Variants in SYDE2 observed in about 807,000 individuals in gnomAD.
SYDE2 encodes rho GTPase-activating protein SYDE2.
In SYDE2, 76 loss-of-function variants were observed where a neutral mutation model predicts 91.5. The ratio of observed to expected loss-of-function variants is 0.83; its 90% confidence interval spans 0.69 to 1.01. The LOEUF is 1.01. SYDE2 is among the 50% of genes least tolerant of loss of function. SYDE2 has a pLI of 0.00. For missense variants in SYDE2, 1,364 were observed against 1,367.7 expected, an observed-to-expected ratio of 1.00 and a Z score of 0.04; for synonymous variants, 513 against 506.4, an observed-to-expected ratio of 1.01 and a Z score of -0.18.
chr1:85,160,323 T>C (rs1657015124), intron 6 of SYDE2: 1 of 911,426 alleles, frequency 1.1e-6, no homozygotes. Flanking sequence ...CTTAAAGTGA[T>C]ATTCATAACA....
At position 85,183,129 on chromosome 1, in the gene SYDE2, G is replaced by A; in HGVS notation, c.1513C>T (p.Pro505Ser). 1 of 1,610,900 alleles carries A rather than the reference G, an allele frequency of 6.2e-7. No individual in the cohort carries two copies. Residue 505 changes from proline to serine, a missense_variant, in exon 3 of 7, where the codon CCT becomes TCT. Physicochemically the swap from Pro to Ser is moderately conservative, Grantham distance 74. Transcript: ENST00000341460. The part of the protein sequence containing the change: ...IMEPSSPNPS[P>S]VKKGSSINWS... ...TTAATTGAACTGCCTTTTTTCACAG[G>A]GCTAGGATTTGGAGAAGATGGTTCC...
intron 5 of SYDE2, among the ~76,000 whole-genome samples, chr1:85,167,834 C>T (rs2168870): frequency 0.55 from 83,279 of 152,038 alleles, 24,951 homozygotes; most frequent in South Asian, 0.7. Context: ...TTACCTAGTG[C>T]TGGGCATGGT....
At chr1:85,159,864 T>G (rs1656994367) in intron 6 of SYDE2, 1 of 983,136 alleles carries the variant, frequency 1.0e-6, no homozygotes, top group South Asian at 4.7e-5. Context: ...TCTTCATTTA[T>G]TGCCTGGAAA....
At chr1:85,168,922 G>A in intron 5 of SYDE2, 122 bp downstream of exon 5, 2 of 841,634 alleles carry the variant, frequency 2.4e-6, no homozygotes, top group African/African-American at 1.7e-5. Context: ...GGCAGTAATG[G>A]CAGAGCTTTT....
Position 85,157,289 on chromosome 1 carries a change from CA to C in SYDE2, c.*1460del, listed in dbSNP as rs1225927519. ...TGTAGATATAAAAGTTAAAAAAATA[CA>C]TTTTGATTTAATACAAAAGCCTTCT... On this transcript the variant is annotated 3_prime_UTR_variant, in exon 7 of 7. Coordinates refer to ENST00000341460, the MANE Select transcript of SYDE2 (RefSeq NM_032184.2). The C allele has an allele frequency of 2.6e-5, 4 of 152,008 alleles. No homozygotes were observed. The highest frequency in any genetic ancestry group is 5.9e-5 in the Non-Finnish European group (4 of 67,898). The allele number at this position is 152,008 out of a possible 1,614,324, so 9.4% of individuals were successfully genotyped here. A position where few individuals can be genotyped will look rare whatever the true frequency, so the allele number is the denominator to read the frequency against.
At chr1:85,178,992 G>A (rs962494777) in intron 3 of SYDE2, among the ~76,000 whole-genome samples, 10 of 151,876 alleles carry the variant, frequency 6.6e-5, no homozygotes, top group East Asian at 1.9e-4. Flanking sequence ...TGTCATACAG[G>A]TTCTAAAATA....
At chr1:85,183,229 T>C in intron 2 of SYDE2, 29 bp from the exon 3 acceptor site, 1 of 1,498,164 alleles carries the variant, frequency 6.7e-7, no homozygotes, top group South Asian at 1.4e-5. Flanking sequence ...AAATACGTTA[T>C]AAAGCAATAT....
chr1:85,161,038 C>T, intron 6 of SYDE2: 2 of 982,834 alleles, frequency 2.0e-6, no homozygotes, highest in Non-Finnish European at 1.2e-6. Flanking sequence ...GAGTGGTTTA[C>T]AACTAAATAT....
chr1:85,194,822 T>A, intron 1 of SYDE2: 1 of 985,276 alleles, frequency 1.0e-6, no homozygotes, highest in South Asian at 4.7e-5. Flanking sequence ...TCAAATGCCA[T>A]CAGCAAATTT....
chr1:85,183,606 A>G (rs1454105445), intron 2 of SYDE2, among the ~76,000 whole-genome samples: 1 of 152,104 alleles, frequency 6.6e-6, no homozygotes, highest in African/African-American at 2.4e-5. Flanking sequence ...ACAAATAAGT[A>G]GTTTCTTTAT....
Position 85,200,931 on chromosome 1 carries a change from G to C in SYDE2, c.66C>G (p.Phe22Leu). 1 of 1,322,588 alleles carries C rather than the reference G, an allele frequency of 7.6e-7. No individual in the cohort carries two copies. Among genetic ancestry groups the C allele is most frequent in the South Asian group, 2.3e-5 (1 of 43,416 alleles). 81.9% of individuals were successfully genotyped at this position (1,322,588 alleles called of 1,614,324 possible). The stretch of plus-strand genomic sequence containing the variant: ...GGCCCGGAGCCCGGGCTCCCGCGGG[G>C]AAGCTGTGATCCGCCAAGCCCCTGC... ...RGGRGLADHS[F>L]PAGARAPGQP... The change falls in exon 1 of 7, where the codon TTC becomes TTG. Residue 22 changes from phenylalanine (F) to leucine (L), a missense_variant. Physicochemically the swap from Phe to Leu is conservative, Grantham distance 22 (BLOSUM62 0). Coordinates refer to ENST00000341460, the MANE Select transcript of SYDE2 (RefSeq NM_032184.2).
downstream of SYDE2, among the ~76,000 whole-genome samples, chr1:85,155,654 AT>A (rs1359422708): frequency 2.6e-5 from 4 of 152,206 alleles, no homozygotes; most frequent in Admixed American, 6.5e-5. Context: ...TTCTGCTTAA[AT>A]CAGCACAGAC....
intron 2 of SYDE2, among the ~76,000 whole-genome samples, chr1:85,188,559 C>T (rs1447231771): frequency 1.3e-5 from 2 of 152,236 alleles, no homozygotes; most frequent in East Asian, 1.9e-4. Context: ...GAAACATCAG[C>T]GAGGGAGCTG....
At chr1:85,187,767 C>CA (rs1210972282) in intron 2 of SYDE2, among the ~76,000 whole-genome samples, 1 of 149,592 alleles carries the variant, frequency 6.7e-6, no homozygotes, top group African/African-American at 2.5e-5. Flanking sequence ...ATCTCAAGGA[C>CA]AAAAAACCAA....
chr1:85,169,062 A>G lies in SYDE2; in HGVS notation c.2835T>C (p.Cys945=). ...TGCTTACCTTCTCAATCTCTGGCAG[A>G]CAATCCAGCAGGTCAACAGTGTACT... ...DSKYTVDLLD[C]LPEIEKATLK... is the part of the protein sequence containing the mutation. Residue 945 remains cysteine, a synonymous_variant, in exon 5 of 7, where the codon TGT becomes TGC. Transcript: ENST00000341460. 6.2e-7 allele frequency: 1 copy of G among 1,613,894 alleles called. No individual in the cohort carries two copies. The highest frequency in any genetic ancestry group is 8.5e-7 in the Non-Finnish European group (1 of 1,179,800).
At chr1:85,199,603 TA>T (rs1658729932) in intron 1 of SYDE2, among the ~76,000 whole-genome samples, 1 of 152,170 alleles carries the variant, frequency 6.6e-6, no homozygotes, top group Non-Finnish European at 1.5e-5. Context: ...TTTTTCACAA[TA>T]AAAAGATTAC....
At chr1:85,174,030 GA>G (rs1295880399) in intron 4 of SYDE2, among the ~76,000 whole-genome samples, 13 of 149,614 alleles carry the variant, frequency 8.7e-5, no homozygotes, top group African/African-American at 2.8e-4. Flanking sequence ...AATCTAAAAT[GA>G]AACGAAGTAT....
At chr1:85,178,546 A>C (rs1171068416) in intron 3 of SYDE2, among the ~76,000 whole-genome samples, 1 of 152,124 alleles carries the variant, frequency 6.6e-6, no homozygotes, top group Non-Finnish European at 1.5e-5. Context: ...TCAGTTTTAT[A>C]TGCTCAATAA....
At chr1:85,186,780 A>G (rs1321630056) in intron 2 of SYDE2, among the ~76,000 whole-genome samples, 6 of 152,132 alleles carry the variant, frequency 3.9e-5, no homozygotes, top group African/African-American at 7.2e-5. Flanking sequence ...TTCCCTATTT[A>G]ATAAATGGTG....
Sources: allele counts gnomAD v4.1 joint callset (sites outside exome capture counted in the v4.1 genomes callset), GRCh38; gene constraint gnomAD v4.1.1; transcripts MANE v1.5; gene names NCBI Gene and HGNC (gene_info 2026-07-23, HGNC 2026-07-21).